KCNQ5: variants seen among roughly 807,000 people sequenced by gnomAD.
The protein encoded by KCNQ5 is potassium voltage-gated channel subfamily KQT member 5.
In KCNQ5, 30 loss-of-function variants were observed where a neutral mutation model predicts 98.2. That is an observed-to-expected ratio of 0.31 (90% CI 0.23 to 0.41). KCNQ5 has a LOEUF of 0.41. KCNQ5 is among the 10% of genes least tolerant of loss of function. KCNQ5 has a pLI of 1.00. For synonymous variants in KCNQ5, 458 were observed against 449.4 expected (o/e 1.02, Z -0.24); for missense variants, 835 against 1,182.5 (o/e 0.71, Z 4.31).
chr6:73,161,431 T>G (rs991253973), intron 10 of KCNQ5, among the ~76,000 whole-genome samples: 17 of 152,228 alleles, frequency 1.1e-4, no homozygotes, highest in African/African-American at 3.9e-4. Context: ...AGTAATCTGT[T>G]GTATATTTCA....
At chr6:72,956,219 T>A (rs1261646844) in intron 1 of KCNQ5, among the ~76,000 whole-genome samples, 1 of 152,200 alleles carries the variant, frequency 6.6e-6, no homozygotes, top group Admixed American at 6.5e-5. Context: ...TTATTTTACA[T>A]ATGAAAGAAA....
In KCNQ5 at chr6:72,698,651, T is replaced by C. The variant is rs6935550; in HGVS notation, c.398+76064T>C. 0.013 allele frequency among the ~76,000 whole-genome samples: 548 copies of C among 42,366 alleles called. 5 individuals carry two copies. The African/African-American group carries it at 0.18, about 14-fold the overall frequency. 27.8% of individuals were successfully genotyped at this position (42,366 alleles called of 152,430 possible). On this transcript the variant is annotated intron_variant, in intron 1 of 13. Transcript: ENST00000370398. ...TCTGTGTTTTTTTCTTCTTCTTCTT[T>C]TTTTTTTTTTTTTTTTTTTGGAGAG...
At chr6:72,729,357 A>G (rs1409283937) in intron 1 of KCNQ5, among the ~76,000 whole-genome samples, 1 of 152,182 alleles carries the variant, frequency 6.6e-6, no homozygotes, top group Non-Finnish European at 1.5e-5. Flanking sequence ...GCACAATCTC[A>G]GCTCATGGCA....
intron 1 of KCNQ5, among the ~76,000 whole-genome samples, chr6:72,935,064 CT>C (rs59215198): frequency 0.034 from 3,386 of 99,290 alleles, 22 homozygotes; most frequent in African/African-American, 0.073. Context: ...CTTGTTCTAT[CT>C]TTTTTTTTTT....
At chr6:72,959,366 A>G (rs913435376) in intron 1 of KCNQ5, among the ~76,000 whole-genome samples, 7 of 152,230 alleles carry the variant, frequency 4.6e-5, no homozygotes, top group Non-Finnish European at 7.3e-5. Context: ...GGAAGAGAGA[A>G]TGGTTGCTAG....
intron 1 of KCNQ5, among the ~76,000 whole-genome samples, chr6:72,711,307 C>A (rs111302244): frequency 6.6e-6 from 1 of 152,052 alleles, no homozygotes; most frequent in African/African-American, 2.4e-5. Context: ...ATCTTGGACT[C>A]CCAGCCTTCA....
chr6:72,956,152 T>C (rs1466384879), intron 1 of KCNQ5, among the ~76,000 whole-genome samples: 1 of 152,218 alleles, frequency 6.6e-6, no homozygotes, highest in East Asian at 1.9e-4. Flanking sequence ...TTGTGCTAAA[T>C]CCTTTACTAA....
chr6:72,636,529 C>T (rs912364388), intron 1 of KCNQ5, among the ~76,000 whole-genome samples: 1 of 152,268 alleles, frequency 6.6e-6, no homozygotes, highest in Non-Finnish European at 1.5e-5. Context: ...TTTCTCTAAA[C>T]CTGTTTTCTC....
intron 1 of KCNQ5, among the ~76,000 whole-genome samples, chr6:72,828,044 T>C (rs968728822): frequency 6.6e-6 from 1 of 152,156 alleles, no homozygotes; most frequent in Non-Finnish European, 1.5e-5. Context: ...GCTGTAGATA[T>C]GTGAATTAAT....
chr6:72,789,523 A>G (rs2154478199), intron 1 of KCNQ5, among the ~76,000 whole-genome samples: 1 of 152,356 alleles, frequency 6.6e-6, no homozygotes. Context: ...AATATTTTTC[A>G]GTTAATTTAA....
intron 1 of KCNQ5, among the ~76,000 whole-genome samples, chr6:72,654,796 A>G (rs1207950731): frequency 6.6e-6 from 1 of 152,096 alleles, no homozygotes; most frequent in Non-Finnish European, 1.5e-5. Context: ...GATTACATAC[A>G]TCTACTTATT....
chr6:72,847,738 T>C (rs773783229), intron 1 of KCNQ5, among the ~76,000 whole-genome samples: 20 of 152,102 alleles, frequency 1.3e-4, no homozygotes, highest in Non-Finnish European at 2.5e-4. Flanking sequence ...GACCAACCAC[T>C]TGTATTTGCA....
At chr6:72,730,893 G>A (rs906254888) in intron 1 of KCNQ5, among the ~76,000 whole-genome samples, 3 of 151,826 alleles carry the variant, frequency 2.0e-5, no homozygotes, top group Non-Finnish European at 2.9e-5. Context: ...AATTAGCTGT[G>A]AAAGGATGAA....
At chr6:72,807,501 T>C (rs1489365971) in intron 1 of KCNQ5, among the ~76,000 whole-genome samples, 1 of 152,164 alleles carries the variant, frequency 6.6e-6, no homozygotes, top group Non-Finnish European at 1.5e-5. Flanking sequence ...CCTGTCCTGA[T>C]GATTATTATC....
At chr6:72,715,555 A>G (rs763396419) in intron 1 of KCNQ5, among the ~76,000 whole-genome samples, 14 of 152,188 alleles carry the variant, frequency 9.2e-5, no homozygotes, top group Non-Finnish European at 1.9e-4. Flanking sequence ...AGCCAATTCT[A>G]AAGTTTTCTG....
At chr6:73,070,191 C>T (rs1313981916) in intron 3 of KCNQ5, among the ~76,000 whole-genome samples, 2 of 151,986 alleles carry the variant, frequency 1.3e-5, no homozygotes, top group African/African-American at 2.4e-5. Context: ...AATACGTTTA[C>T]AATAATTGAT....
At chr6:72,685,384 G>A (rs73535771) in intron 1 of KCNQ5, among the ~76,000 whole-genome samples, 8,056 of 152,204 alleles carry the variant, frequency 0.053, 236 homozygotes, top group Middle Eastern at 0.13. Context: ...CACTGGTTTT[G>A]TTCCTTTTCT....
intron 1 of KCNQ5, among the ~76,000 whole-genome samples, chr6:72,926,910 A>G (rs1765450193): frequency 6.6e-6 from 1 of 152,166 alleles, no homozygotes; most frequent in Admixed American, 6.6e-5. Flanking sequence ...TTTTTTTCTC[A>G]GAAAGGTGTC....
intron 11 of KCNQ5, 68 bp downstream of exon 11, chr6:73,169,922 A>C: frequency 9.5e-7 from 1 of 1,055,748 alleles, no homozygotes; most frequent in Non-Finnish European, 1.5e-6. Context: ...CTATGTTGCT[A>C]AGTTCTTTTT....
Sources: allele counts gnomAD v4.1 joint callset (sites outside exome capture counted in the v4.1 genomes callset), GRCh38; gene constraint gnomAD v4.1.1; transcripts MANE v1.5; gene names NCBI Gene and HGNC (gene_info 2026-07-23, HGNC 2026-07-21).